Variants in FRMPD1 observed in about 807,000 individuals in gnomAD.
FRMPD1 encodes the protein FERM and PDZ domain containing 1, also known as FERM and PDZ domain-containing protein 1.
FRMPD1 carries 76 observed loss-of-function variants against 117.8 expected under a neutral mutation model. That is an observed-to-expected ratio of 0.65 (90% CI 0.54 to 0.78). The LOEUF (loss-of-function observed/expected upper bound fraction) is 0.78, where lower values mean the gene tolerates loss of function less well. FRMPD1 is among the 30% of genes least tolerant of loss of function. FRMPD1 has a pLI of 0.00. For synonymous variants in FRMPD1, 783 were observed against 770.4 expected, an observed-to-expected ratio of 1.02 and a Z score of -0.27; for missense variants, 1,786 against 1,964.5, an observed-to-expected ratio of 0.91 and a Z score of 1.72.
At chr9:37,686,939 T>C (rs908940606) in intron 1 of FRMPD1, among the ~76,000 whole-genome samples, 4 of 152,174 alleles carry the variant, frequency 2.6e-5, no homozygotes, top group Non-Finnish European at 4.4e-5. Context: ...GGCTTTGAAT[T>C]TTGAGACAGA....
At chr9:37,732,234 C>T in intron 9 of FRMPD1, 70 bp from the exon 10 acceptor site, 3 of 1,538,758 alleles carry the variant, frequency 1.9e-6, no homozygotes, top group Non-Finnish European at 1.8e-6. Flanking sequence ...TGCTGCCTTT[C>T]ACCCGAGAGA....
chr9:37,735,871 C>T, intron 13 of FRMPD1, 137 bp downstream of exon 13: 1 of 637,430 alleles, frequency 1.6e-6, no homozygotes, highest in Non-Finnish European at 2.6e-6. Context: ...ATTGTCCATC[C>T]TGTTCTATCA....
At chr9:37,732,226 C>A in intron 9 of FRMPD1, 78 bp from the exon 10 acceptor site, 1 of 1,491,484 alleles carries the variant, frequency 6.7e-7, no homozygotes, top group Non-Finnish European at 9.2e-7. Context: ...CCTGGTCCTG[C>A]TGCCTTTCAC....
At chr9:37,649,391 C>T (rs1820598867), upstream of FRMPD1, among the ~76,000 whole-genome samples, 1 of 152,158 alleles carries the variant, frequency 6.6e-6, no homozygotes, top group Admixed American at 6.5e-5. Flanking sequence ...CTTCTGTCTC[C>T]TGGGGCAGAA....
intron 1 of FRMPD1, among the ~76,000 whole-genome samples, chr9:37,671,902 G>A (rs1050349449): frequency 6.6e-6 from 1 of 152,176 alleles, no homozygotes; most frequent in Non-Finnish European, 1.5e-5. Flanking sequence ...GGAGGCAGAG[G>A]TTGCAGTGAT....
chr9:37,651,342 G>T (rs983840618), intron 1 of FRMPD1, among the ~76,000 whole-genome samples: 35 of 152,212 alleles, frequency 2.3e-4, no homozygotes, highest in African/African-American at 8.2e-4. Context: ...GATCTGCATG[G>T]TGTAGTGAGT....
At chr9:37,731,620 T>C (rs1189147857) in intron 9 of FRMPD1, among the ~76,000 whole-genome samples, 1 of 152,144 alleles carries the variant, frequency 6.6e-6, no homozygotes. Context: ...GCCTGTAATG[T>C]CAGCATTTTA....
intron 2 of FRMPD1, chr9:37,693,202 CTTCTGTGTCT>C (rs1327217479): frequency 6.4e-6 from 1 of 157,126 alleles, no homozygotes; most frequent in African/African-American, 2.4e-5. Context: ...CTTTCTGTGT[CTTCTGTGTCT>C]TTCTGTGTCT....
At chr9:37,665,522 G>A (rs1821135490) in intron 1 of FRMPD1, among the ~76,000 whole-genome samples, 1 of 152,142 alleles carries the variant, frequency 6.6e-6, no homozygotes, top group African/African-American at 2.4e-5. Context: ...AAGCTTTGGG[G>A]GAAGGAAATA....
chr9:37,642,417 G>C, the FRMPD1 span, among the ~76,000 whole-genome samples: 1 of 151,844 alleles, frequency 6.6e-6, no homozygotes, highest in South Asian at 2.1e-4. Context: ...TTATTATTTA[G>C]TTTCTTTCAC....
chr9:37,697,222 A>G (rs530144336), intron 2 of FRMPD1, among the ~76,000 whole-genome samples: 137 of 152,312 alleles, frequency 9.0e-4, no homozygotes, highest in African/African-American at 3.1e-3. Context: ...TTGTGCAGAT[A>G]TGATAAGGAT....
At chr9:37,660,526 T>TA (rs1820970376) in intron 1 of FRMPD1, among the ~76,000 whole-genome samples, 1 of 152,308 alleles carries the variant, frequency 6.6e-6, no homozygotes, top group Admixed American at 6.5e-5. Flanking sequence ...CTGCACTGCT[T>TA]AGAGACCTCC....
chr9:37,673,125 TC>T (rs1486369257), intron 1 of FRMPD1, among the ~76,000 whole-genome samples: 1 of 152,166 alleles, frequency 6.6e-6, no homozygotes, highest in Non-Finnish European at 1.5e-5. Context: ...ACAAGGCAAG[TC>T]CCTTCTGCCT....
the FRMPD1 span, among the ~76,000 whole-genome samples, chr9:37,606,659 T>C: frequency 0.095 from 14,398 of 152,288 alleles, 852 homozygotes; most frequent in Middle Eastern, 0.15. Flanking sequence ...AAATTTACTT[T>C]AAAATTAATA....
At position 37,740,597 on chromosome 9, in the gene FRMPD1, GCA is replaced by G; in HGVS notation, c.2072_2073del (p.Thr691SerfsTer9). The G allele has an allele frequency of 6.2e-7, 1 of 1,614,228 alleles. No homozygotes were observed. The highest frequency in any genetic ancestry group is 8.5e-7 in the Non-Finnish European group (1 of 1,180,038). On this transcript the variant is annotated frameshift_variant, in exon 15 of 16. Coordinates refer to ENST00000377765, the MANE Select transcript of FRMPD1 (RefSeq NM_014907.3). LOFTEE classifies it high-confidence loss of function. The surrounding 1 kb of genome is among the most constrained non-coding windows in gnomAD (Gnocchi z 4.2). ...ACATTTGGCTGGGCACCAGAACTGA[GCA>G]CAGTCAGGCTGGACCCCAGGCTGTA...
chr9:37,684,122 G>A lies in FRMPD1; in HGVS notation c.-4-8516G>A, dbSNP rs923323375. On this transcript the variant is annotated intron_variant, in intron 1 of 15. Coordinates refer to ENST00000377765, the MANE Select transcript of FRMPD1 (RefSeq NM_014907.3). ...CTGCAGAGTGTTGTGTGGGGGAGAT[G>A]AAGTTGGCGGGTAGGCAGGGCCAGA... 6.6e-4 allele frequency among the ~76,000 whole-genome samples: 100 copies of A among 150,960 alleles called. 1 individual carries two copies. The highest frequency in any genetic ancestry group is 1.2e-3 in the Non-Finnish European group (82 of 67,688).
At chr9:37,670,947 G>A (rs937045525) in intron 1 of FRMPD1, among the ~76,000 whole-genome samples, 2 of 152,176 alleles carry the variant, frequency 1.3e-5, no homozygotes, top group African/African-American at 4.8e-5. Context: ...CAGCTGTAAC[G>A]TTATAATGGG....
the FRMPD1 span, among the ~76,000 whole-genome samples, chr9:37,637,961 A>ATGCTTTCT: frequency 2.6e-5 from 2 of 76,102 alleles, no homozygotes; most frequent in Non-Finnish European, 5.2e-5. Context: ...AAAATGGTGT[A>ATGCTTTCT]TGCTTTCTTT....
At chr9:37,693,882 G>A (rs888648446) in intron 2 of FRMPD1, among the ~76,000 whole-genome samples, 1 of 152,094 alleles carries the variant, frequency 6.6e-6, no homozygotes, top group Non-Finnish European at 1.5e-5. Context: ...TGAAGTGCTG[G>A]GTCTTCCATG....
Sources: gnomAD v4.1 joint callset for allele counts (sites outside exome capture counted in the v4.1 genomes callset) on GRCh38, gnomAD v4.1.1 for gene constraint, Gnocchi (gnomAD v3.1) non-coding constraint, MANE v1.5 for transcripts, NCBI Gene and HGNC (gene_info 2026-07-23, HGNC 2026-07-21) for gene names.